The following YIPF4 variants were observed in gnomAD, a reference collection of about 807,000 sequenced individuals.
YIPF4 encodes the protein Yip1 domain family member 4.
YIPF4 carries 18 observed loss-of-function variants against 29.4 expected under a neutral mutation model. The observed-to-expected ratio is 0.61, with a 90% CI of 0.42 to 0.91. The LOEUF (loss-of-function observed/expected upper bound fraction) is 0.91, where lower values mean the gene tolerates loss of function less well. YIPF4 is among the 40% of genes least tolerant of loss of function. YIPF4 has a pLI of 0.00. For synonymous variants in YIPF4, 115 were observed against 104.7 expected (o/e 1.10, Z -0.60); for missense variants, 279 against 282.7 (o/e 0.99, Z 0.09).
chr2:32,286,400 T>C (rs1383860858), intron 1 of YIPF4, among the ~76,000 whole-genome samples: 1 of 152,174 alleles, frequency 6.6e-6, no homozygotes, highest in African/African-American at 2.4e-5. Context: ...ATTTCATCTT[T>C]TTGTTTATCA....
At position 32,305,507 on chromosome 2, in the gene YIPF4, G is replaced by T. The variant is rs1445593886; in HGVS notation, c.616G>T (p.Ala206Ser). 1.3e-6 allele frequency: 2 copies of T among 1,593,238 alleles called. No homozygotes were observed. The highest frequency in any genetic ancestry group is 1.7e-6 in the Non-Finnish European group (2 of 1,170,130). ...TLIKLFGVFWAAYSAASLLVG... is the reference protein window; with the variant it reads ...TLIKLFGVFWSAYSAASLLVG... Reference sequence around the variant, plus strand: ...TTTAAAGCTGTTTGGTGTGTTTTGGGCTGCCTACAGTGCTGCTTCATTGTT... The same window carrying T: ...TTTAAAGCTGTTTGGTGTGTTTTGGTCTGCCTACAGTGCTGCTTCATTGTT... The change falls in exon 6 of 6, where the codon GCT becomes TCT. Residue 206 changes from alanine to serine, a missense_variant. By Grantham distance (99) the Ala-to-Ser change is moderately conservative. Transcript: ENST00000238831.
intron 2 of YIPF4, among the ~76,000 whole-genome samples, chr2:32,291,674 C>CAAAGGACA (rs1189819575): frequency 2.6e-5 from 4 of 152,144 alleles, no homozygotes; most frequent in African/African-American, 9.7e-5. Context: ...AAAGGGCTAT[C>CAAAGGACA]TCCTTATTAG....
intron 1 of YIPF4, among the ~76,000 whole-genome samples, chr2:32,289,816 C>T (rs2030836119): frequency 1.3e-5 from 2 of 151,938 alleles, no homozygotes; most frequent in South Asian, 4.2e-4. Context: ...GAAAACATAG[C>T]CTTTATTTAT....
At chr2:32,281,748 G>A (rs1350501339) in intron 1 of YIPF4, among the ~76,000 whole-genome samples, 3 of 151,924 alleles carry the variant, frequency 2.0e-5, no homozygotes, top group African/African-American at 7.3e-5. Context: ...AATTAGCCGG[G>A]CATGGTGGCA....
At chr2:32,305,321 A>G (rs868343253) in intron 5 of YIPF4, among the ~76,000 whole-genome samples, 168 bp from the exon 6 acceptor site, 2 of 152,226 alleles carry the variant, frequency 1.3e-5, no homozygotes, top group African/African-American at 4.8e-5. Context: ...TAGAGCAAAG[A>G]TGGACATTCT....
At chr2:32,283,703 C>G (rs2030533183) in intron 1 of YIPF4, among the ~76,000 whole-genome samples, 1 of 149,950 alleles carries the variant, frequency 6.7e-6, no homozygotes, top group African/African-American at 2.4e-5. Context: ...ATTATTTTTG[C>G]TTTCATTTAT....
In YIPF4 at chr2:32,316,175, T is replaced by C. The variant is rs2031828992; in HGVS notation, c.*10549T>C. 2.0e-5 allele frequency: 3 copies of C among 152,142 alleles called. 1 individual carries two copies. The South Asian group carries it at 6.2e-4, about 31-fold the overall frequency. The allele number at this position is 152,142 out of a possible 1,614,324, so 9.4% of individuals were successfully genotyped here. A position where few individuals can be genotyped will look rare whatever the true frequency, so the allele number is the denominator to read the frequency against. On this transcript the variant is annotated 3_prime_UTR_variant, in exon 6 of 6. Coordinates refer to ENST00000238831, the MANE Select transcript of YIPF4 (RefSeq NM_032312.4). Reference sequence around the variant, plus strand: ...TGGGGAAAAATATTTGTAGGACTTATGTAGACAAAGGACTAATTTTCTTAA... The same window carrying C: ...TGGGGAAAAATATTTGTAGGACTTACGTAGACAAAGGACTAATTTTCTTAA...
At chr2:32,281,059 A>G (rs1316758392) in intron 1 of YIPF4, among the ~76,000 whole-genome samples, 2 of 152,160 alleles carry the variant, frequency 1.3e-5, no homozygotes, top group Non-Finnish European at 2.9e-5. Flanking sequence ...GATTCCACAT[A>G]CTAAGAAACC....
rs2031740900 is a variant in YIPF4 at position 32,312,766 on chromosome 2, G to A, written c.*7140G>A. 1 of 152,324 alleles carries A rather than the reference G, an allele frequency of 6.6e-6. No individual in the cohort carries two copies. Among genetic ancestry groups the A allele is most frequent in the Admixed American group, 6.6e-5 (1 of 15,264 alleles). The allele number at this position is 152,324 out of a possible 1,614,324, so 9.4% of individuals were successfully genotyped here. ...CCAGCACTTTGGGAGACCGAGGCGG[G>A]TGGATCACGAGGTCAGGGGATCGAG... On this transcript the variant is annotated 3_prime_UTR_variant, in exon 6 of 6. Transcript: ENST00000238831.
chr2:32,290,036 T>C (rs977736274), intron 1 of YIPF4, among the ~76,000 whole-genome samples: 8 of 152,226 alleles, frequency 5.3e-5, no homozygotes, highest in African/African-American at 1.9e-4. Context: ...ACGAATTTCC[T>C]TTAGTAAATA....
Position 32,305,534 on chromosome 2 carries a change from G to C in YIPF4, c.643G>C (p.Val215Leu), listed in dbSNP as rs1430781632. 6.2e-7 allele frequency: 1 copy of C among 1,610,904 alleles called. No homozygotes were observed. ...WAAYSAASLL[V>L]GEEFKTKKPL... is the part of the protein sequence containing the mutation. ...TGCCTACAGTGCTGCTTCATTGTTA[G>C]TGGGTGAAGAATTCAAGACCAAAAA... is the stretch of plus-strand genomic sequence containing the variant. The change falls in exon 6 of 6, where the codon GTG (valine) becomes CTG (leucine). Residue 215 changes from valine to leucine, a missense_variant. Coordinates refer to ENST00000238831, the MANE Select transcript of YIPF4 (RefSeq NM_032312.4).
chr2:32,306,865 G>C lies in YIPF4; in HGVS notation c.*1239G>C, dbSNP rs2031597128. On this transcript the variant is annotated 3_prime_UTR_variant, in exon 6 of 6. Transcript: ENST00000238831. ...CTGGAAGAGTTTCCTGCTGTCCTCA[G>C]TATGATAACATGGCGACCTCTTGGT... is the stretch of plus-strand genomic sequence containing the variant. 7.7e-6 allele frequency: 2 copies of C among 260,144 alleles called. No individual in the cohort carries two copies. Among genetic ancestry groups the C allele is most frequent in the South Asian group, 4.7e-5 (1 of 21,466 alleles). 16.1% of individuals were successfully genotyped at this position (260,144 alleles called of 1,614,324 possible). A position where few individuals can be genotyped will look rare whatever the true frequency, so the allele number is the denominator to read the frequency against.
At chr2:32,299,225 G>T (rs540253461) in intron 4 of YIPF4, among the ~76,000 whole-genome samples, 1 of 152,230 alleles carries the variant, frequency 6.6e-6, no homozygotes, top group East Asian at 1.9e-4. Flanking sequence ...TTGCCAAAGA[G>T]ATTTGTAACA....
chr2:32,304,487 G>A (rs2031511198), intron 5 of YIPF4, among the ~76,000 whole-genome samples: 1 of 151,400 alleles, frequency 6.6e-6, no homozygotes, highest in African/African-American at 2.4e-5. Context: ...TAATAAGTTT[G>A]CCAATATTTA....
chr2:32,300,434 T>TAA (rs78248257), intron 4 of YIPF4, among the ~76,000 whole-genome samples: 5 of 120,628 alleles, frequency 4.1e-5, no homozygotes, highest in East Asian at 2.3e-4. Flanking sequence ...ACTCCGTCTT[T>TAA]AAAAAAAAAA....
intron 1 of YIPF4, among the ~76,000 whole-genome samples, chr2:32,283,212 A>C (rs2030510497): frequency 6.6e-6 from 1 of 151,788 alleles, no homozygotes; most frequent in South Asian, 2.1e-4. Flanking sequence ...GTGTTAACTG[A>C]CCCCACACTT....
chr2:32,310,499 A>G lies in YIPF4; in HGVS notation c.*4873A>G, dbSNP rs385760. ...CTCACAGTCTTCCCTGCAGAATCCA[A>G]GTATACAAAAAGTAGGCCTATCATT... On this transcript the variant is annotated 3_prime_UTR_variant, in exon 6 of 6. Coordinates refer to ENST00000238831, the MANE Select transcript of YIPF4 (RefSeq NM_032312.4). 6,628 of 152,262 alleles carry G rather than the reference A, an allele frequency of 0.044. 216 individuals carry two copies. The highest frequency in any genetic ancestry group is 0.12 in the Middle Eastern group (36 of 294). The allele number at this position is 152,262 out of a possible 1,614,324, so 9.4% of individuals were successfully genotyped here. A position where few individuals can be genotyped will look rare whatever the true frequency, so the allele number is the denominator to read the frequency against.
At chr2:32,290,960 G>T (rs2148961319) in intron 2 of YIPF4, 1 of 155,638 alleles carries the variant, frequency 6.4e-6, no homozygotes, top group East Asian at 1.8e-4. Flanking sequence ...TTGAAATTAA[G>T]GTTCGGACAA....
In YIPF4 at chr2:32,292,278, A is replaced by G. The variant is rs772180987; in HGVS notation, c.335A>G (p.Asn112Ser). ...TTTAATAGACAAGTGGTGAGAGACAATCCTGACTTTTGGGGTCCTCTGGCT... is the reference window on the plus strand; with the variant it reads ...TTTAATAGACAAGTGGTGAGAGACAGTCCTGACTTTTGGGGTCCTCTGGCT... ...LGFNRQVVRD[N>S]PDFWGPLAVV... The change falls in exon 3 of 6, where the codon AAT becomes AGT. Residue 112 changes from asparagine (N) to serine (S), a missense_variant. Asn to Ser is a conservative substitution (Grantham distance 46, BLOSUM62 1). Transcript: ENST00000238831. 5 of 1,605,872 alleles carry G rather than the reference A, an allele frequency of 3.1e-6. No individual in the cohort carries two copies. The highest frequency in any genetic ancestry group is 1.7e-5 in the Admixed American group (1 of 59,480).
Sources: gnomAD v4.1 joint callset for allele counts (sites outside exome capture counted in the v4.1 genomes callset) on GRCh38, gnomAD v4.1.1 for gene constraint, MANE v1.5 for transcripts, NCBI Gene and HGNC (gene_info 2026-07-23, HGNC 2026-07-21) for gene names.